Variants in UBR1 observed in about 807,000 individuals in gnomAD.
UBR1 encodes ubiquitin protein ligase E3 component n-recognin 1, also known as E3 ubiquitin-protein ligase UBR1.
A neutral mutation model predicts 242.1 loss-of-function variants in UBR1; 102 were observed. The ratio of observed to expected loss-of-function variants is 0.42; its 90% CI spans 0.36 to 0.50. The LOEUF (loss-of-function observed/expected upper bound fraction) is 0.50. UBR1 is among the 20% of genes least tolerant of loss of function. The pLI is 0.01. For missense variants in UBR1, 1,772 were observed against 2,101.8 expected, an observed-to-expected ratio of 0.84 and a Z score of 3.07; for synonymous variants, 675 against 684.8, an observed-to-expected ratio of 0.99 and a Z score of 0.22.
chr15:42,957,644 G>A (rs555598026), intron 44 of UBR1, among the ~76,000 whole-genome samples: 1 of 152,200 alleles, frequency 6.6e-6, no homozygotes, highest in Non-Finnish European at 1.5e-5. Flanking sequence ...AGGCCAATGG[G>A]TAGGAGGATC....
At chr15:43,004,474 C>A (rs1156260320) in intron 30 of UBR1, among the ~76,000 whole-genome samples, 1 of 152,172 alleles carries the variant, frequency 6.6e-6, no homozygotes, top group Admixed American at 6.5e-5. Flanking sequence ...ACTGCAACCT[C>A]CCTGCCTGAT....
intron 34 of UBR1, among the ~76,000 whole-genome samples, chr15:42,989,278 G>A (rs2032520635): frequency 6.6e-6 from 1 of 152,188 alleles, no homozygotes; most frequent in African/African-American, 2.4e-5. Flanking sequence ...TTAAAAACCA[G>A]ACTGAACACA....
chr15:43,086,136 C>T lies in UBR1; in HGVS notation c.186G>A (p.Gln62=), dbSNP rs762894664. The part of the protein sequence containing the change: ...FAEMDPDLEK[Q]EESVQMSIFT... Reference sequence around the variant, plus strand: ...ATATTGACATTTGTACACTTTCCTCCTGCTTTTCCAAGTCTGGGTCCATTT... The same window carrying T: ...ATATTGACATTTGTACACTTTCCTCTTGCTTTTCCAAGTCTGGGTCCATTT... Residue 62 remains glutamine (Q), a synonymous_variant, in exon 2 of 47, where the codon CAG becomes CAA. Coordinates refer to ENST00000290650, the MANE Select transcript of UBR1 (RefSeq NM_174916.3). 8.7e-6 allele frequency: 14 copies of T among 1,613,988 alleles called. No homozygotes were observed. Among genetic ancestry groups the T allele is most frequent in the Non-Finnish European group, 1.2e-5 (14 of 1,179,996 alleles).
Position 43,069,268 on chromosome 15 carries a change from A to G in UBR1, c.660-1232T>C, listed in dbSNP as rs975923995. On this transcript the variant is annotated intron_variant, in intron 5 of 46. Transcript: ENST00000290650. ...TGTAAAAACAGCTGCCACGGGCTAC[A>G]TATGTGTTCAGTATTTTTTTTTTTT... Among the ~76,000 whole-genome samples, 7 of 151,898 alleles carry G rather than the reference A, an allele frequency of 4.6e-5. No homozygotes were observed. The South Asian group carries it at 1.2e-3, about 27-fold the overall frequency.
chr15:42,987,249 C>T (rs1339567986), intron 35 of UBR1, among the ~76,000 whole-genome samples: 2 of 152,216 alleles, frequency 1.3e-5, no homozygotes, highest in Non-Finnish European at 2.9e-5. Flanking sequence ...GGCGGAGGCT[C>T]ACTGGGCCAA....
intron 30 of UBR1, among the ~76,000 whole-genome samples, chr15:43,004,603 G>A (rs2032776880): frequency 6.6e-6 from 1 of 152,220 alleles, no homozygotes; most frequent in African/African-American, 2.4e-5. Context: ...CTGGTCTCCA[G>A]CTCCTGACCG....
chr15:43,088,799 T>A (rs1242131216), intron 1 of UBR1, among the ~76,000 whole-genome samples: 1 of 151,980 alleles, frequency 6.6e-6, no homozygotes, highest in South Asian at 2.1e-4. Flanking sequence ...CAATGTTACA[T>A]TGTTTGACTT....
At chr15:42,991,617 T>G (rs1644130540) in intron 33 of UBR1, among the ~76,000 whole-genome samples, 1 of 152,156 alleles carries the variant, frequency 6.6e-6, no homozygotes, top group African/African-American at 2.4e-5. Flanking sequence ...AAAAAAAAAT[T>G]GTCCCATAGA....
intron 27 of UBR1, among the ~76,000 whole-genome samples, chr15:43,018,008 G>GT (rs869188283): frequency 0.018 from 2,488 of 138,276 alleles, 42 homozygotes; most frequent in African/African-American, 0.048. Flanking sequence ...TTGGTTTGTT[G>GT]TTTTTTTTTT....
At chr15:42,964,456 C>T (rs912872813) in intron 41 of UBR1, among the ~76,000 whole-genome samples, 6 of 151,556 alleles carry the variant, frequency 4.0e-5, no homozygotes, top group African/African-American at 1.2e-4. Context: ...GCAACAAGAG[C>T]GAAACTCCGT....
At chr15:43,015,575 C>T (rs901818299) in intron 29 of UBR1, 113 bp downstream of exon 29, 38 of 1,158,128 alleles carry the variant, frequency 3.3e-5, no homozygotes, top group Non-Finnish European at 4.3e-5. Flanking sequence ...GCTGACCTTC[C>T]CTCCACTATT....
At chr15:42,969,817 C>A (rs571876094) in intron 40 of UBR1, among the ~76,000 whole-genome samples, 1 of 152,250 alleles carries the variant, frequency 6.6e-6, no homozygotes, top group East Asian at 1.9e-4. Context: ...AGGAGAACTA[C>A]AAACCACTGC....
At chr15:42,991,263 G>T (rs957805869) in intron 33 of UBR1, among the ~76,000 whole-genome samples, 11 of 150,404 alleles carry the variant, frequency 7.3e-5, no homozygotes, top group African/African-American at 2.2e-4. Flanking sequence ...GCGACAAAGC[G>T]ACACGCCATC....
Position 42,990,155 on chromosome 15 carries a change from T to G in UBR1, c.3758-35A>C, listed in dbSNP as rs374130588. ...TAAAAGGAAAAAGAAAGAAAAATCA[T>G]GAATGAGTTTAGTCTGACATACAGT... On this transcript the variant is annotated intron_variant, in intron 33 of 46. Transcript: ENST00000290650. 114 of 1,429,696 alleles carry G rather than the reference T, an allele frequency of 8.0e-5. No homozygotes were observed. In the African/African-American group the frequency reaches 1.4e-3, roughly 18 times the overall value. 88.6% of individuals were successfully genotyped at this position (1,429,696 alleles called of 1,614,324 possible).
chr15:43,044,883 A>G (rs940710729), intron 14 of UBR1, among the ~76,000 whole-genome samples: 1 of 152,160 alleles, frequency 6.6e-6, no homozygotes, highest in African/African-American at 2.4e-5. Context: ...TGACAGAGCG[A>G]GACTCCATCT....
chr15:43,026,714 A>G (rs2033182792), intron 22 of UBR1, 51 bp from the exon 23 acceptor site: 1 of 1,471,066 alleles, frequency 6.8e-7, no homozygotes. Flanking sequence ...GAAGTATAAA[A>G]TATAGACAAA....
chr15:42,986,678 T>C (rs775309997), intron 35 of UBR1, among the ~76,000 whole-genome samples: 1 of 152,208 alleles, frequency 6.6e-6, no homozygotes, highest in African/African-American at 2.4e-5. Flanking sequence ...TATTATCCTA[T>C]ACCCATGATT....
intron 43 of UBR1, among the ~76,000 whole-genome samples, chr15:42,958,644 G>A (rs946062994): frequency 6.6e-6 from 1 of 152,040 alleles, no homozygotes; most frequent in Non-Finnish European, 1.5e-5. Flanking sequence ...CATATAGAGC[G>A]GTTGAGGACT....
intron 3 of UBR1, among the ~76,000 whole-genome samples, chr15:43,079,183 C>T (rs78868775): frequency 0.027 from 4,147 of 152,180 alleles, 178 homozygotes; most frequent in African/African-American, 0.093. Context: ...TTTAAAACCA[C>T]AGACCAGGCA....
Sources: allele counts gnomAD v4.1 joint callset (sites outside exome capture counted in the v4.1 genomes callset), GRCh38; gene constraint gnomAD v4.1.1; transcripts MANE v1.5; gene names NCBI Gene and HGNC (gene_info 2026-07-23, HGNC 2026-07-21).